LIN28B: variants seen among roughly 807,000 people sequenced by gnomAD.
LIN28B encodes the protein lin-28 RNA binding posttranscriptional regulator B.
Under a neutral mutation model 21.9 loss-of-function variants are expected in LIN28B, and 5 were observed. The ratio of observed to expected loss-of-function variants is 0.23; its 90% CI spans 0.12 to 0.48. The LOEUF (loss-of-function observed/expected upper bound fraction) is 0.48. Ranked by LOEUF, LIN28B falls within the 20% of genes least tolerant of loss-of-function variation. The probability of loss-of-function intolerance (pLI) is 0.98; values close to 1 mark genes in which losing one functional copy is unlikely to be tolerated. For synonymous variants in LIN28B, 109 were observed against 111.3 expected, an observed-to-expected ratio of 0.98 and a Z score of 0.13; for missense variants, 245 against 310.5, an observed-to-expected ratio of 0.79 and a Z score of 1.58.
intron 3 of LIN28B, among the ~76,000 whole-genome samples, chr6:105,073,595 C>T (rs1201507988): frequency 6.6e-6 from 1 of 152,216 alleles, no homozygotes; most frequent in Non-Finnish European, 1.5e-5. Flanking sequence ...ATGCCCCCAT[C>T]AGACCCTCAG....
chr6:105,073,561 A>G (rs1284725270), intron 3 of LIN28B, among the ~76,000 whole-genome samples: 1 of 152,208 alleles, frequency 6.6e-6, no homozygotes, highest in East Asian at 1.9e-4. Flanking sequence ...AGAAGCTTAC[A>G]GATCACTGTC....
At chr6:104,942,396 G>C (rs1336569889) in intron 2 of LIN28B, among the ~76,000 whole-genome samples, 1 of 151,888 alleles carries the variant, frequency 6.6e-6, no homozygotes, top group Non-Finnish European at 1.5e-5. Flanking sequence ...ACATTTTTAC[G>C]TCCAACAATA....
At chr6:104,972,043 T>G (rs1281446501) in intron 2 of LIN28B, among the ~76,000 whole-genome samples, 6 of 152,214 alleles carry the variant, frequency 3.9e-5, no homozygotes, top group African/African-American at 1.4e-4. Context: ...CAGTCTCGGC[T>G]CACTGCAGCC....
chr6:104,974,795 T>G (rs536635575), intron 2 of LIN28B, among the ~76,000 whole-genome samples: 5 of 151,790 alleles, frequency 3.3e-5, no homozygotes, highest in Admixed American at 2.0e-4. Flanking sequence ...ATGGAAAGAA[T>G]CAAGGATATT....
chr6:104,943,383 T>G (rs898312554), intron 2 of LIN28B, among the ~76,000 whole-genome samples: 5 of 152,124 alleles, frequency 3.3e-5, no homozygotes, highest in Admixed American at 1.3e-4. Context: ...AAATAAAACA[T>G]GTATGAATAA....
At chr6:105,011,584 T>TTG (rs1000575963) in intron 2 of LIN28B, among the ~76,000 whole-genome samples, 51 of 152,334 alleles carry the variant, frequency 3.3e-4, no homozygotes, top group African/African-American at 1.2e-3. Context: ...GCAACTGCTC[T>TTG]TGTTAAAAAA....
intron 2 of LIN28B, among the ~76,000 whole-genome samples, chr6:105,013,117 T>G (rs1436183354): frequency 6.6e-6 from 1 of 152,064 alleles, no homozygotes; most frequent in Non-Finnish European, 1.5e-5. Flanking sequence ...CCAGGTTCGA[T>G]TCTCCTGCCT....
chr6:105,072,836 G>C (rs997832171), intron 3 of LIN28B, among the ~76,000 whole-genome samples: 3 of 152,156 alleles, frequency 2.0e-5, no homozygotes, highest in South Asian at 4.1e-4. Flanking sequence ...CACTATTAAA[G>C]AGACTTACTA....
chr6:104,940,116 C>T, intron 2 of LIN28B: 1 of 166,818 alleles, frequency 6.0e-6, no homozygotes. Context: ...ACAGTAGGTT[C>T]CCCAAACTTC....
chr6:104,959,257 C>T (rs931580372), intron 2 of LIN28B, among the ~76,000 whole-genome samples: 20 of 151,950 alleles, frequency 1.3e-4, no homozygotes, highest in Admixed American at 1.0e-3. Context: ...AAGAGGTTTA[C>T]GACTAAAGAG....
chr6:105,033,596 T>C (rs1771467673), intron 3 of LIN28B, among the ~76,000 whole-genome samples: 1 of 152,060 alleles, frequency 6.6e-6, no homozygotes, highest in African/African-American at 2.4e-5. Context: ...TTTCTTAACA[T>C]TTCAAACGAA....
At chr6:105,052,466 T>A (rs2114387752) in intron 3 of LIN28B, among the ~76,000 whole-genome samples, 1 of 152,252 alleles carries the variant, frequency 6.6e-6, no homozygotes, top group East Asian at 1.9e-4. Flanking sequence ...ATACCAAACT[T>A]GTCCTTTTAC....
At chr6:104,978,586 A>G (rs577143098) in intron 2 of LIN28B, among the ~76,000 whole-genome samples, 1 of 152,248 alleles carries the variant, frequency 6.6e-6, no homozygotes, top group South Asian at 2.1e-4. Context: ...TTTAATTAAA[A>G]AAATGTAGAT....
At chr6:105,023,583 A>AATATATT (rs1301006139) in intron 2 of LIN28B, among the ~76,000 whole-genome samples, 1 of 28,580 alleles carries the variant, frequency 3.5e-5, no homozygotes, top group African/African-American at 1.1e-4. Flanking sequence ...TATAATATAT[A>AATATATT]TTATATATAT....
intron 2 of LIN28B, among the ~76,000 whole-genome samples, chr6:104,961,722 G>A (rs1769743128): frequency 6.6e-6 from 1 of 152,034 alleles, no homozygotes; most frequent in Admixed American, 6.6e-5. Flanking sequence ...TTTTACTAAG[G>A]TGATTTCATA....
intron 3 of LIN28B, among the ~76,000 whole-genome samples, chr6:105,053,165 A>T (rs970181600): frequency 2.0e-5 from 3 of 152,064 alleles, no homozygotes; most frequent in African/African-American, 7.2e-5. Context: ...TGTCTTATTT[A>T]TTTCTAACTT....
chr6:104,953,192 C>G (rs1370624860), upstream of LIN28B, among the ~76,000 whole-genome samples: 1 of 152,112 alleles, frequency 6.6e-6, no homozygotes, highest in African/African-American at 2.4e-5. Context: ...TGCGTCCAGC[C>G]CTTTCTCGCC....
chr6:105,002,738 G>C (rs78927445), intron 2 of LIN28B, among the ~76,000 whole-genome samples: 6 of 152,300 alleles, frequency 3.9e-5, no homozygotes, highest in Non-Finnish European at 5.9e-5. Flanking sequence ...ATATTGAAGA[G>C]AAGCTATTTG....
At chr6:105,006,680 C>T (rs976349386) in intron 2 of LIN28B, among the ~76,000 whole-genome samples, 1 of 152,168 alleles carries the variant, frequency 6.6e-6, no homozygotes, top group African/African-American at 2.4e-5. Context: ...TTTTATCTCT[C>T]TTGCACTACA....
Sources: gnomAD v4.1 joint callset for allele counts (sites outside exome capture counted in the v4.1 genomes callset) on GRCh38, gnomAD v4.1.1 for gene constraint, MANE v1.5 for transcripts, NCBI Gene and HGNC (gene_info 2026-07-23, HGNC 2026-07-21) for gene names.